LRBA: variants seen among roughly 807,000 people sequenced by gnomAD.
The protein encoded by LRBA is lipopolysaccharide-responsive and beige-like anchor protein.
Under a neutral mutation model 330.0 loss-of-function variants are expected in LRBA, and 176 were observed. The ratio of observed to expected loss-of-function variants is 0.53; its 90% CI spans 0.47 to 0.60. The LOEUF (loss-of-function observed/expected upper bound fraction) is 0.60. Ranked by LOEUF, LRBA falls within the 20% of genes least tolerant of loss-of-function variation. The probability of loss-of-function intolerance (pLI) is 0.00; values close to 1 mark genes in which losing one functional copy is unlikely to be tolerated. For missense variants in LRBA, 3,259 were observed against 3,444.8 expected (o/e 0.95, Z 1.35); for synonymous variants, 1,230 against 1,193.0 (o/e 1.03, Z -0.64).
chr4:150,813,550 G>A (rs1296931265), intron 31 of LRBA, among the ~76,000 whole-genome samples: 5 of 151,958 alleles, frequency 3.3e-5, no homozygotes, highest in Admixed American at 6.6e-5. Context: ...ATTTTTATGG[G>A]TTATAAAATT....
At chr4:150,630,820 T>G (rs1376141273) in intron 37 of LRBA, among the ~76,000 whole-genome samples, 1 of 152,096 alleles carries the variant, frequency 6.6e-6, no homozygotes. Flanking sequence ...AACTCTAAGG[T>G]AACTACCTTA....
chr4:150,825,326 G>A (rs900632684), intron 30 of LRBA, among the ~76,000 whole-genome samples: 26 of 152,218 alleles, frequency 1.7e-4, no homozygotes, highest in African/African-American at 6.0e-4. Flanking sequence ...CACTTAAAAT[G>A]CTGTGTGACA....
intron 47 of LRBA, among the ~76,000 whole-genome samples, chr4:150,368,863 T>C (rs146452705): frequency 6.6e-6 from 1 of 152,312 alleles, no homozygotes; most frequent in Non-Finnish European, 1.5e-5. Flanking sequence ...GTTAACAGGA[T>C]AGATGTCTTT....
chr4:150,559,886 T>TATATATA (rs1486915574), intron 40 of LRBA, among the ~76,000 whole-genome samples: 1,104 of 16,792 alleles, frequency 0.066, 38 homozygotes, highest in African/African-American at 0.13. Flanking sequence ...TATATATAAT[T>TATATATA]ATATATAATT....
chr4:150,392,243 T>C (rs1056345089), intron 47 of LRBA, among the ~76,000 whole-genome samples: 2 of 152,186 alleles, frequency 1.3e-5, no homozygotes, highest in Non-Finnish European at 2.9e-5. Context: ...AGGAATTTTA[T>C]TTCCTCACAG....
chr4:150,629,570 C>A (rs958500944), intron 37 of LRBA, among the ~76,000 whole-genome samples: 2 of 151,890 alleles, frequency 1.3e-5, no homozygotes, highest in Non-Finnish European at 2.9e-5. Context: ...ACCCAGGAGG[C>A]GAAGGTTGCA....
chr4:150,513,428 G>A (rs1762031427), intron 40 of LRBA, among the ~76,000 whole-genome samples: 1 of 152,184 alleles, frequency 6.6e-6, no homozygotes, highest in Admixed American at 6.5e-5. Flanking sequence ...CTACAGTTGA[G>A]GTTGCTTAAC....
intron 31 of LRBA, among the ~76,000 whole-genome samples, chr4:150,814,642 T>TG (rs909456904): frequency 1.6e-3 from 235 of 146,780 alleles, no homozygotes; most frequent in Non-Finnish European, 2.0e-3. Flanking sequence ...TTTTTAAAAA[T>TG]GGGGGGGGCT....
chr4:150,278,849 G>A (rs1389826607), intron 55 of LRBA, among the ~76,000 whole-genome samples: 1 of 151,802 alleles, frequency 6.6e-6, no homozygotes, highest in Non-Finnish European at 1.5e-5. Context: ...CCTCGAGACA[G>A]GGTCTTGCTC....
intron 33 of LRBA, among the ~76,000 whole-genome samples, chr4:150,805,710 G>T (rs549692110): frequency 6.6e-6 from 1 of 151,822 alleles, no homozygotes; most frequent in African/African-American, 2.4e-5. Flanking sequence ...GAGAAGGAAA[G>T]GACCCATTAT....
chr4:150,689,646 C>A (rs1270558986), intron 36 of LRBA, among the ~76,000 whole-genome samples: 1 of 152,108 alleles, frequency 6.6e-6, no homozygotes, highest in Non-Finnish European at 1.5e-5. Context: ...AATACTGAGG[C>A]CGGGCAAGAT....
At chr4:150,764,255 G>A (rs1009504569) in intron 34 of LRBA, among the ~76,000 whole-genome samples, 2 of 151,770 alleles carry the variant, frequency 1.3e-5, no homozygotes, top group Non-Finnish European at 2.9e-5. Flanking sequence ...TCAGGAAAAC[G>A]TCAAGAATGT....
chr4:150,844,801 A>G, intron 26 of LRBA, 22 bp from the exon 27 acceptor site: 1 of 1,596,496 alleles, frequency 6.3e-7, no homozygotes, highest in Non-Finnish European at 8.6e-7. Context: ...TTTAAGGAAA[A>G]GATAGGGAAA....
intron 36 of LRBA, among the ~76,000 whole-genome samples, chr4:150,726,472 T>G (rs1729689419): frequency 6.6e-6 from 1 of 152,178 alleles, no homozygotes; most frequent in African/African-American, 2.4e-5. Flanking sequence ...ATGCACTGTA[T>G]TAGTCCGTTT....
At chr4:150,669,191 T>A (rs563550013) in intron 37 of LRBA, among the ~76,000 whole-genome samples, 2 of 152,164 alleles carry the variant, frequency 1.3e-5, no homozygotes, top group Admixed American at 6.5e-5. Flanking sequence ...GCAATAATAA[T>A]AGCTATTAAT....
intron 37 of LRBA, among the ~76,000 whole-genome samples, chr4:150,630,332 A>C (rs1777253753): frequency 6.6e-6 from 1 of 151,176 alleles, no homozygotes; most frequent in Admixed American, 6.6e-5. Context: ...TTACTCCACA[A>C]ATTTCAATAG....
rs1281278520 is a variant in LRBA, at chr4:150,849,500, G to T, written c.4080C>A (p.Leu1360=). 1 of 1,613,052 alleles carries T rather than the reference G, an allele frequency of 6.2e-7. No homozygotes were observed. The change falls in exon 25 of 57, where the codon CTC becomes CTA. Residue 1360 remains leucine (L), a synonymous_variant. Transcript: ENST00000651943. ...NVIFVHNTIH[L]ISQVMDNMVM... ...CCATATTGTCCATCACTTGAGAGAT[G>T]AGATGAATTGTGTTGTGTACAAAGA...
chr4:150,459,424 A>G lies in LRBA; in HGVS notation c.6780+8249T>C, dbSNP rs1449039910. Among the ~76,000 whole-genome samples the G allele has an allele frequency of 3.9e-5, 6 of 151,984 alleles. 1 individual carries two copies. The highest frequency in any genetic ancestry group is 2.9e-5 in the Non-Finnish European group (2 of 67,904). On this transcript the variant is annotated intron_variant, in intron 44 of 56. Transcript: ENST00000651943. ...TAAAATGTTCTTTCAGATTATACCTAAAGTCTACCAGTTGACTGACAGACA... is the reference window on the plus strand; with the variant it reads ...TAAAATGTTCTTTCAGATTATACCTGAAGTCTACCAGTTGACTGACAGACA...
In LRBA at chr4:150,851,901, T is replaced by C. The variant is rs1750659500; in HGVS notation, c.3809A>G (p.His1270Arg). 6.2e-7 allele frequency: 1 copy of C among 1,608,566 alleles called. No individual in the cohort carries two copies. The highest frequency in any genetic ancestry group is 8.5e-7 in the Non-Finnish European group (1 of 1,177,280). ...TAAAATCACCTCAAGCACATGTCGA[T>C]GAGGTTGAGGTGCTTCCACGTTGGG... is the stretch of plus-strand genomic sequence containing the variant. ...ASPNVEAPQPHRHVLEISRQH... is the reference protein window; with the variant it reads ...ASPNVEAPQPRRHVLEISRQH... The change falls in exon 23 of 57, where the codon CAT (histidine) becomes CGT (arginine). Residue 1270 changes from histidine to arginine, a missense_variant. By Grantham distance (29) the His-to-Arg change is conservative. Transcript: ENST00000651943.
Sources: allele counts gnomAD v4.1 joint callset (sites outside exome capture counted in the v4.1 genomes callset), GRCh38; gene constraint gnomAD v4.1.1; transcripts MANE v1.5; gene names NCBI Gene and HGNC (gene_info 2026-07-23, HGNC 2026-07-21).